Variants in BCL2L14 observed in about 807,000 individuals in gnomAD.
BCL2L14 encodes the protein apoptosis facilitator Bcl-2-like protein 14.
In BCL2L14, 27 loss-of-function variants were observed where a neutral mutation model predicts 35.3. The observed-to-expected ratio is 0.76, with a 90% CI of 0.56 to 1.05. The LOEUF is 1.05. Ranked by LOEUF, BCL2L14 falls within the 50% of genes least tolerant of loss-of-function variation. BCL2L14 has a pLI of 0.00. For synonymous variants in BCL2L14, 139 were observed against 145.9 expected (o/e 0.95, Z 0.34); for missense variants, 377 against 382.6 (o/e 0.99, Z 0.12).
At position 12,090,653 on chromosome 12, in the gene BCL2L14, A is replaced by T. The variant is rs544328723; in HGVS notation, c.608-126A>T. ...TGTCTAAAAAATAAAAAATAAAAAA[A>T]AAAAAAAGAATTAGCATGCCTCTTC... On this transcript the variant is annotated intron_variant, in intron 3 of 5. Transcript: ENST00000308721. The T allele has an allele frequency of 6.8e-4, 424 of 623,292 alleles. 2 individuals carry two copies. Among genetic ancestry groups the T allele is most frequent in the Non-Finnish European group, 8.6e-4 (322 of 375,652 alleles). 38.6% of individuals were successfully genotyped at this position (623,292 alleles called of 1,614,324 possible). A position where few individuals can be genotyped will look rare whatever the true frequency, so the allele number is the denominator to read the frequency against.
At chr12:12,057,459 AGAAAAGAGGT>A (rs968427848) in intron 2 of BCL2L14, among the ~76,000 whole-genome samples, 1 of 152,190 alleles carries the variant, frequency 6.6e-6, no homozygotes, top group African/African-American at 2.4e-5. Context: ...TAGCAACTCC[AGAAAAGAGGT>A]GAAGAGAGCC....
At chr12:12,063,895 C>A (rs769603826) in intron 2 of BCL2L14, among the ~76,000 whole-genome samples, 1 of 152,076 alleles carries the variant, frequency 6.6e-6, no homozygotes, top group African/African-American at 2.4e-5. Context: ...TTGTGACCCC[C>A]ACTCGTGCCC....
At chr12:12,062,482 T>C (rs1441250307) in intron 2 of BCL2L14, among the ~76,000 whole-genome samples, 2 of 151,336 alleles carry the variant, frequency 1.3e-5, no homozygotes, top group East Asian at 3.9e-4. Context: ...CGTGGAAATC[T>C]ATCCTCAAGG....
chr12:12,095,002 T>A (rs1949285067), intron 5 of BCL2L14, 72 bp downstream of exon 5: 1 of 1,512,016 alleles, frequency 6.6e-7, no homozygotes, highest in Non-Finnish European at 8.8e-7. Context: ...TTTTTTTTTT[T>A]TAAATGAAGG....
At chr12:12,050,071 C>T (rs1013000090) in intron 1 of BCL2L14, 1 of 152,156 alleles carries the variant, frequency 6.6e-6, no homozygotes, top group South Asian at 2.1e-4. Context: ...ATCCGTTTAT[C>T]AGGCTGATAT....
intron 2 of BCL2L14, among the ~76,000 whole-genome samples, chr12:12,062,581 A>C (rs1374103313): frequency 6.6e-6 from 1 of 150,870 alleles, no homozygotes; most frequent in African/African-American, 2.4e-5. Context: ...AAGCTTGAGG[A>C]TTTACCCCCA....
At chr12:12,071,434 A>G (rs1272260751) in intron 1 of BCL2L14, 1 of 152,176 alleles carries the variant, frequency 6.6e-6, no homozygotes, top group Non-Finnish European at 1.5e-5. Flanking sequence ...GACGTTACTC[A>G]GTCTTCTCTG....
At chr12:12,085,083 CAAAA>C (rs11296787) in intron 2 of BCL2L14, among the ~76,000 whole-genome samples, 4 of 85,448 alleles carry the variant, frequency 4.7e-5, no homozygotes, top group Admixed American at 1.2e-4. Context: ...GACTCCGTCT[CAAAA>C]AAAAAAAAAA....
intron 4 of BCL2L14, among the ~76,000 whole-genome samples, chr12:12,094,117 A>AG (rs1329599534): frequency 6.6e-6 from 1 of 151,268 alleles, no homozygotes; most frequent in Non-Finnish European, 1.5e-5. Flanking sequence ...TAAAAAAAAA[A>AG]AAAAGAAAGA....
At position 12,072,672 on chromosome 12, in the gene BCL2L14, A is replaced by T. The variant is rs144228908; in HGVS notation, c.-8+1535A>T. Among the ~76,000 whole-genome samples, 1,205 of 152,304 alleles carry T rather than the reference A, an allele frequency of 7.9e-3. 14 individuals are homozygous for T. Among genetic ancestry groups the T allele is most frequent in the Non-Finnish European group, 0.012 (795 of 68,028 alleles). Reference sequence around the variant, plus strand: ...TTCTGTCAACATAAGCATAAAACTTATGGTTTACCTTTCCATAAACCCCAA... The same window carrying T: ...TTCTGTCAACATAAGCATAAAACTTTTGGTTTACCTTTCCATAAACCCCAA... On this transcript the variant is annotated intron_variant, in intron 1 of 5. Coordinates refer to ENST00000308721, the MANE Select transcript of BCL2L14 (RefSeq NM_138723.2).
At chr12:12,090,607 TG>T (rs2136773266) in intron 3 of BCL2L14, among the ~76,000 whole-genome samples, 171 bp from the exon 4 acceptor site, 1 of 151,106 alleles carries the variant, frequency 6.6e-6, no homozygotes, top group African/African-American at 2.4e-5. Flanking sequence ...CACTACAGCT[TG>T]GGCAACAAGA....
intron 2 of BCL2L14, among the ~76,000 whole-genome samples, chr12:12,081,389 A>G (rs1948920767): frequency 6.6e-6 from 1 of 150,982 alleles, no homozygotes; most frequent in African/African-American, 2.4e-5. Flanking sequence ...CAGGAGGTCA[A>G]GGCTGCAGTG....
chr12:12,057,226 A>T (rs10772527), intron 2 of BCL2L14, among the ~76,000 whole-genome samples: 94,367 of 152,142 alleles, frequency 0.62, 30,102 homozygotes, highest in East Asian at 0.78. Context: ...TATTTGCATT[A>T]TAATATGCAA....
chr12:12,057,836 G>A (rs11054647), intron 2 of BCL2L14, among the ~76,000 whole-genome samples: 9,259 of 150,434 alleles, frequency 0.062, 311 homozygotes, highest in African/African-American at 0.086. Context: ...CAGGTTTAGT[G>A]GTTAGCGTCA....
chr12:12,054,512 A>T (rs1247183941), intron 2 of BCL2L14: 2 of 149,032 alleles, frequency 1.3e-5, no homozygotes, highest in African/African-American at 5.0e-5. Context: ...TCGAAAAAAA[A>T]AAAAAATAAA....
chr12:12,055,688 G>A (rs1948421861), intron 2 of BCL2L14: 1 of 152,192 alleles, frequency 6.6e-6, no homozygotes, highest in Admixed American at 6.5e-5. Context: ...CTCTGGTAGA[G>A]AATACAGAAG....
rs1275667637 is a variant in BCL2L14 at position 12,099,182 on chromosome 12, TC to T, written c.*196del. ...CAGCTCATAAAATGTAGCAGCATCA[TC>T]CTTGACAGTGATGTTTTTCAGGCCC... On this transcript the variant is annotated 3_prime_UTR_variant, in exon 6 of 6. Transcript: ENST00000308721. The T allele has an allele frequency of 3.5e-6, 2 of 564,560 alleles. No homozygotes were observed. The highest frequency in any genetic ancestry group is 6.3e-6 in the Non-Finnish European group (2 of 315,596). The allele number at this position is 564,560 out of a possible 1,614,324, so 35.0% of individuals were successfully genotyped here.
intron 2 of BCL2L14, among the ~76,000 whole-genome samples, chr12:12,082,410 T>C (rs1948948345): frequency 6.6e-6 from 1 of 152,224 alleles, no homozygotes; most frequent in African/African-American, 2.4e-5. Context: ...AAGAACAGTT[T>C]GGAGGCACCT....
At chr12:12,090,594 T>C (rs1048495358) in intron 3 of BCL2L14, among the ~76,000 whole-genome samples, 185 bp from the exon 4 acceptor site, 4 of 151,304 alleles carry the variant, frequency 2.6e-5, no homozygotes, top group African/African-American at 4.9e-5. Context: ...GATCGCACCA[T>C]TGCACTACAG....
Sources: allele counts gnomAD v4.1 joint callset (sites outside exome capture counted in the v4.1 genomes callset), GRCh38; gene constraint gnomAD v4.1.1; transcripts MANE v1.5; gene names NCBI Gene and HGNC (gene_info 2026-07-23, HGNC 2026-07-21).